BPGM: variants seen among roughly 807,000 people sequenced by gnomAD.
BPGM encodes bisphosphoglycerate mutase, also known as 2,3-bisphosphoglycerate mutase, erythrocyte.
A neutral mutation model predicts 21.6 loss-of-function variants in BPGM; 15 were observed. The observed-to-expected ratio is 0.70, with a 90% CI of 0.47 to 1.07. BPGM has a LOEUF of 1.07. Ranked by LOEUF, BPGM falls within the 50% of genes least tolerant of loss-of-function variation. BPGM has a pLI of 0.00. For missense variants in BPGM, 273 were observed against 319.0 expected, an observed-to-expected ratio of 0.86 and a Z score of 1.10; for synonymous variants, 113 against 116.2, an observed-to-expected ratio of 0.97 and a Z score of 0.18.
In BPGM at chr7:134,646,858, G is replaced by A. The variant is rs1008485967; in HGVS notation, c.-141G>A. 9 of 182,438 alleles carry A rather than the reference G, an allele frequency of 4.9e-5. No homozygotes were observed. Among genetic ancestry groups the A allele is most frequent in the Admixed American group, 3.6e-4 (6 of 16,852 alleles). 11.3% of individuals were successfully genotyped at this position (182,438 alleles called of 1,614,324 possible). A position where few individuals can be genotyped will look rare whatever the true frequency, so the allele number is the denominator to read the frequency against. On this transcript the variant is annotated 5_prime_UTR_variant, in exon 1 of 3. Coordinates refer to ENST00000344924, the MANE Select transcript of BPGM (RefSeq NM_001724.5). ...GCGTCGATGCCGGCGGCAGTGATGAGTCCTAGGAGGCGCTGGCTCTTTGGC... is the reference window on the plus strand; with the variant it reads ...GCGTCGATGCCGGCGGCAGTGATGAATCCTAGGAGGCGCTGGCTCTTTGGC...
At chr7:134,668,714 A>C (rs1795856908) in intron 2 of BPGM, among the ~76,000 whole-genome samples, 1 of 152,220 alleles carries the variant, frequency 6.6e-6, no homozygotes, top group African/African-American at 2.4e-5. Flanking sequence ...ATTGATCACT[A>C]AGCTGTTTTG....
intron 1 of BPGM, among the ~76,000 whole-genome samples, chr7:134,658,916 CAG>C (rs1203970746): frequency 2.7e-5 from 1 of 36,978 alleles, no homozygotes; most frequent in South Asian, 1.2e-3. Flanking sequence ...AAAAAGAAAA[CAG>C]AACTTTGTTT....
chr7:134,660,327 T>C (rs942848824), intron 1 of BPGM: 1 of 152,222 alleles, frequency 6.6e-6, no homozygotes, highest in Admixed American at 6.5e-5. Context: ...GTAGTGCTCG[T>C]ATAATCTTTA....
intron 1 of BPGM, among the ~76,000 whole-genome samples, chr7:134,659,113 A>G (rs1795688313): frequency 6.6e-6 from 1 of 152,146 alleles, no homozygotes; most frequent in African/African-American, 2.4e-5. Flanking sequence ...TGAAGAGAGA[A>G]TGGCTTCATT....
In BPGM at chr7:134,661,518, A is replaced by G. The variant is rs772964796; in HGVS notation, c.11A>G (p.Tyr4Cys). Residue 4 changes from tyrosine (Y) to cysteine (C), a missense_variant, in exon 2 of 3, where the codon TAC (tyrosine) becomes TGC (cysteine). By Grantham distance (194) the Tyr-to-Cys change is radical. Transcript: ENST00000344924. This position sits in a 1 kb window ranked among gnomAD's most constrained non-coding sequence, Gnocchi z 4.6. MSK[Y>C]KLIMLRHGEG... ...AGTTCAGCCATCAGTATGTCCAAGTACAAACTTATTATGTTAAGACATGGA... is the reference window on the plus strand; with the variant it reads ...AGTTCAGCCATCAGTATGTCCAAGTGCAAACTTATTATGTTAAGACATGGA... The G allele has an allele frequency of 6.2e-7, 1 of 1,614,168 alleles. No individual in the cohort carries two copies. The highest frequency in any genetic ancestry group is 8.5e-7 in the Non-Finnish European group (1 of 1,179,996).
Position 134,655,057 on chromosome 7 carries a change from A to C in BPGM, c.-61-6390A>C, listed in dbSNP as rs143352175. On this transcript the variant is annotated intron_variant, in intron 1 of 2. Coordinates refer to ENST00000344924, the MANE Select transcript of BPGM (RefSeq NM_001724.5). ...TGTGTTCTTTTTTTGACATGATGTA[A>C]ATTATTGATTAAAATCGGTACTTAA... Among the ~76,000 whole-genome samples the C allele has an allele frequency of 2.2e-3, 332 of 152,304 alleles. 2 individuals are homozygous for C. The highest frequency in any genetic ancestry group is 7.7e-3 in the African/African-American group (318 of 41,566).
chr7:134,650,699 G>C (rs531447797), intron 1 of BPGM, among the ~76,000 whole-genome samples: 3 of 152,312 alleles, frequency 2.0e-5, no homozygotes, highest in African/African-American at 7.2e-5. Flanking sequence ...GAGGCGGGCA[G>C]ATCACGAGGT....
rs1459677518 is a variant in BPGM, at chr7:134,661,121, A to G, written c.-61-326A>G. 2.0e-5 allele frequency among the ~76,000 whole-genome samples: 3 copies of G among 152,198 alleles called. No homozygotes were observed. The highest frequency in any genetic ancestry group is 4.4e-5 in the Non-Finnish European group (3 of 68,038). ...CTTTCAGACGTCTGTAACTCATTCT[A>G]TTAAATCCTTTCTACTGTAAGCATA... is the stretch of plus-strand genomic sequence containing the variant. On this transcript the variant is annotated intron_variant, in intron 1 of 2. Transcript: ENST00000344924. The surrounding 1 kb of genome is among the most constrained non-coding windows in gnomAD (Gnocchi z 4.6).
chr7:134,667,132 A>G (rs1795832747), intron 2 of BPGM, among the ~76,000 whole-genome samples: 1 of 152,198 alleles, frequency 6.6e-6, no homozygotes, highest in Non-Finnish European at 1.5e-5. Context: ...CTAACTTTTC[A>G]AGACTCAAAA....
At chr7:134,676,730 G>A (rs1795988200) in intron 2 of BPGM, among the ~76,000 whole-genome samples, 1 of 152,186 alleles carries the variant, frequency 6.6e-6, no homozygotes, top group African/African-American at 2.4e-5. Flanking sequence ...GGAATATAAA[G>A]GGCCCTCAGT....
chr7:134,661,619 G>T lies in BPGM; in HGVS notation c.112G>T (p.Ala38Ser). The stretch of plus-strand genomic sequence containing the variant: ...ACTCAACAGCGAAGGAATGGAGGAA[G>T]CTCGGAACTGTGGGAAGCAACTCAA... The part of the protein sequence containing the change: ...QKLNSEGMEE[A>S]RNCGKQLKAL... The change falls in exon 2 of 3, where the codon GCT becomes TCT. Residue 38 changes from alanine to serine, a missense_variant. By Grantham distance (99) the Ala-to-Ser change is moderately conservative. Coordinates refer to ENST00000344924, the MANE Select transcript of BPGM (RefSeq NM_001724.5). The surrounding 1 kb of genome is among the most constrained non-coding windows in gnomAD (Gnocchi z 4.6). 1 of 1,614,168 alleles carries T rather than the reference G, an allele frequency of 6.2e-7. No homozygotes were observed. Among genetic ancestry groups the T allele is most frequent in the South Asian group, 1.1e-5 (1 of 91,080 alleles).
chr7:134,649,899 C>T (rs1228088457), intron 1 of BPGM, among the ~76,000 whole-genome samples: 2 of 152,168 alleles, frequency 1.3e-5, no homozygotes, highest in African/African-American at 2.4e-5. Context: ...GGTAGGATTG[C>T]TTTGACGGGC....
At chr7:134,647,625 C>CTGCCT (rs1795481806) in intron 1 of BPGM, among the ~76,000 whole-genome samples, 1 of 152,224 alleles carries the variant, frequency 6.6e-6, no homozygotes, top group African/African-American at 2.4e-5. Flanking sequence ...CATCCCCCTA[C>CTGCCT]TGCCTCCCTT....
At chr7:134,662,253 T>C in intron 2 of BPGM, 145 bp downstream of exon 2, 2 of 1,219,742 alleles carry the variant, frequency 1.6e-6, no homozygotes, top group Non-Finnish European at 2.3e-6. Context: ...TGTCTTGTTC[T>C]ATAAATCAGA....
chr7:134,662,470 C>CT (rs1448872788), intron 2 of BPGM, among the ~76,000 whole-genome samples: 15 of 152,178 alleles, frequency 9.9e-5, no homozygotes, highest in Non-Finnish European at 2.2e-4. Flanking sequence ...GGGTTCCACA[C>CT]TTTGAGAAGC....
At position 134,662,118 on chromosome 7, in the gene BPGM, T is replaced by TTA. The variant is rs1292696579; in HGVS notation, c.601+15_601+16dup. On this transcript the variant is annotated intron_variant, in intron 2 of 2. Transcript: ENST00000344924. ...CTAAAACACCTGGAAGGTACCAGCTTTATATACCACTTATTAGAGGTTGCC... is the reference window on the plus strand; with the variant it reads ...CTAAAACACCTGGAAGGTACCAGCTTTATATATACCACTTATTAGAGGTTGCC... 1 of 1,613,968 alleles carries TTA rather than the reference T, an allele frequency of 6.2e-7. No individual in the cohort carries two copies. Among genetic ancestry groups the TTA allele is most frequent in the South Asian group, 1.1e-5 (1 of 91,052 alleles).
chr7:134,652,625 G>A lies in BPGM; in HGVS notation c.-62+5688G>A, dbSNP rs150114440. On this transcript the variant is annotated intron_variant, in intron 1 of 2. Transcript: ENST00000344924. ...TAACCATCCTCACTTTAACCCCCTC[G>A]CTCCTGTTACCTTTCCCTGCCTCTG... 8.6e-3 allele frequency among the ~76,000 whole-genome samples: 1,305 copies of A among 151,954 alleles called. 68 individuals carry two copies. Among genetic ancestry groups the A allele is most frequent in the Admixed American group, 0.079 (1,211 of 15,254 alleles).
At chr7:134,666,616 G>A (rs17200009) in intron 2 of BPGM, among the ~76,000 whole-genome samples, 26,309 of 152,098 alleles carry the variant, frequency 0.17, 2,569 homozygotes, top group Admixed American at 0.24. Flanking sequence ...TTGGCCTATA[G>A]TACCTCCTGG....
chr7:134,653,285 A>G (rs975943695), intron 1 of BPGM, among the ~76,000 whole-genome samples: 1 of 152,218 alleles, frequency 6.6e-6, no homozygotes, highest in Non-Finnish European at 1.5e-5. Context: ...TTGGTGGTTT[A>G]CAGAAAAAGT....
Sources: allele counts gnomAD v4.1 joint callset (sites outside exome capture counted in the v4.1 genomes callset), GRCh38; gene constraint gnomAD v4.1.1; non-coding constraint Gnocchi (gnomAD v3.1); transcripts MANE v1.5; gene names NCBI Gene and HGNC (gene_info 2026-07-23, HGNC 2026-07-21).